ZNF407: variants seen among roughly 807,000 people sequenced by gnomAD.
The protein encoded by ZNF407 is zinc finger protein 407.
A neutral mutation model predicts 131.2 loss-of-function variants in ZNF407; 17 were observed. The ratio of observed to expected loss-of-function variants is 0.13; its 90% CI spans 0.09 to 0.19. The LOEUF (loss-of-function observed/expected upper bound fraction) is 0.19, where lower values mean the gene tolerates loss of function less well. Ranked by LOEUF, ZNF407 falls within the 10% of genes least tolerant of loss-of-function variation. ZNF407 has a pLI of 1.00. For synonymous variants in ZNF407, 1,156 were observed against 1,062.0 expected (o/e 1.09, Z -1.72); for missense variants, 2,681 against 2,830.6 (o/e 0.95, Z 1.20).
chr18:74,612,044 C>T (rs72963736), intron 1 of ZNF407, among the ~76,000 whole-genome samples: 16,982 of 152,070 alleles, frequency 0.11, 1,060 homozygotes, highest in Non-Finnish European at 0.14. Context: ...AGTGAAGTCC[C>T]GTACAGTAGT....
chr18:74,777,249 A>G (rs1321163976), intron 3 of ZNF407, among the ~76,000 whole-genome samples: 1 of 152,154 alleles, frequency 6.6e-6, no homozygotes, highest in African/African-American at 2.4e-5. Flanking sequence ...GAGTGTAGGC[A>G]TTACTACTGC....
chr18:74,665,650 A>T (rs904812032), intron 3 of ZNF407, among the ~76,000 whole-genome samples: 1 of 152,126 alleles, frequency 6.6e-6, no homozygotes, highest in Admixed American at 6.5e-5. Context: ...TCAATTTTGA[A>T]TTTTTTGTTG....
chr18:74,691,601 G>C (rs569269665), intron 3 of ZNF407, among the ~76,000 whole-genome samples: 1 of 151,650 alleles, frequency 6.6e-6, no homozygotes, highest in East Asian at 1.9e-4. Context: ...ATATTAATTT[G>C]CTATTCTTTT....
intron 2 of ZNF407, among the ~76,000 whole-genome samples, chr18:74,638,243 G>A (rs1984550336): frequency 6.6e-6 from 1 of 152,222 alleles, no homozygotes; most frequent in South Asian, 2.1e-4. Context: ...CAGCTCAGTA[G>A]GAGAGTTAAT....
At chr18:74,696,010 CT>C (rs1286339075) in intron 3 of ZNF407, among the ~76,000 whole-genome samples, 1 of 152,178 alleles carries the variant, frequency 6.6e-6, no homozygotes, top group Non-Finnish European at 1.5e-5. Flanking sequence ...GGGAACTGTG[CT>C]GCTAGATCAT....
At chr18:74,686,726 T>C (rs541159207) in intron 3 of ZNF407, among the ~76,000 whole-genome samples, 1 of 152,350 alleles carries the variant, frequency 6.6e-6, no homozygotes, top group Admixed American at 6.5e-5. Context: ...TATTTTGTTA[T>C]AGATGCTTAG....
At chr18:74,719,095 A>G (rs1967964676) in intron 3 of ZNF407, among the ~76,000 whole-genome samples, 1 of 152,160 alleles carries the variant, frequency 6.6e-6, no homozygotes, top group Non-Finnish European at 1.5e-5. Context: ...GGGGACATTA[A>G]TGATGCTTGG....
At chr18:74,849,381 T>C (rs556666641) in intron 4 of ZNF407, among the ~76,000 whole-genome samples, 2 of 152,324 alleles carry the variant, frequency 1.3e-5, no homozygotes, top group South Asian at 2.1e-4. Context: ...CCCCGCCGTT[T>C]CTTTGCTTTT....
chr18:74,734,644 T>A (rs904571155), intron 3 of ZNF407, among the ~76,000 whole-genome samples: 11 of 151,944 alleles, frequency 7.2e-5, no homozygotes, highest in South Asian at 4.2e-4. Flanking sequence ...GCCTATTTTT[T>A]AAAATTATAC....
At chr18:74,704,144 T>C (rs1967567172) in intron 3 of ZNF407, among the ~76,000 whole-genome samples, 1 of 152,212 alleles carries the variant, frequency 6.6e-6, no homozygotes, top group Non-Finnish European at 1.5e-5. Flanking sequence ...TTTCTTCTTC[T>C]GTCAGCACTT....
At chr18:74,774,522 A>G (rs1013792364) in intron 3 of ZNF407, among the ~76,000 whole-genome samples, 12 of 152,212 alleles carry the variant, frequency 7.9e-5, no homozygotes, top group Non-Finnish European at 1.5e-4. Flanking sequence ...TTTTATCCTG[A>G]TACTATGTAA....
chr18:74,995,486 T>A (rs946363734), intron 8 of ZNF407, among the ~76,000 whole-genome samples: 1 of 152,238 alleles, frequency 6.6e-6, no homozygotes, highest in African/African-American at 2.4e-5. Context: ...ACCTTAACAC[T>A]GATCCTCACA....
intron 3 of ZNF407, among the ~76,000 whole-genome samples, chr18:74,735,726 A>G (rs1968396853): frequency 6.6e-6 from 1 of 152,192 alleles, no homozygotes; most frequent in African/African-American, 2.4e-5. Context: ...GTCCATGATC[A>G]ACTTTAGAGG....
chr18:74,912,405 C>T (rs1207913555), intron 7 of ZNF407, among the ~76,000 whole-genome samples: 2 of 152,076 alleles, frequency 1.3e-5, no homozygotes, highest in Admixed American at 6.5e-5. Context: ...GTCTACCAGG[C>T]AGAAACGTCC....
Position 75,063,011 on chromosome 18 carries a change from C to G in ZNF407, c.5429-139C>G, listed in dbSNP as rs1973656117. 1.3e-6 allele frequency: 1 copy of G among 773,600 alleles called. No homozygotes were observed. Among genetic ancestry groups the G allele is most frequent in the African/African-American group, 1.7e-5 (1 of 57,184 alleles). The allele number at this position is 773,600 out of a possible 1,614,324, so 47.9% of individuals were successfully genotyped here. A position where few individuals can be genotyped will look rare whatever the true frequency, so the allele number is the denominator to read the frequency against. ...GCCTCTGGCCCTGCTGAAGCTTGCA[C>G]TGTAGAGAGCTCTTCAGGGTTTGGA... On this transcript the variant is annotated intron_variant, in intron 8 of 8. Transcript: ENST00000299687. This position sits in a 1 kb window ranked among gnomAD's most constrained non-coding sequence, Gnocchi z 6.6.
intron 8 of ZNF407, among the ~76,000 whole-genome samples, chr18:75,029,740 G>C (rs1973217610): frequency 6.6e-6 from 1 of 152,216 alleles, no homozygotes; most frequent in Non-Finnish European, 1.5e-5. Flanking sequence ...GGTTTCTGTG[G>C]TTTGCTGCAT....
At chr18:74,676,540 C>T in intron 3 of ZNF407, among the ~76,000 whole-genome samples, 1 of 151,636 alleles carries the variant, frequency 6.6e-6, no homozygotes, top group Non-Finnish European at 1.5e-5. Flanking sequence ...GGGTTCACGC[C>T]ATTCTCCTGC....
intron 3 of ZNF407, among the ~76,000 whole-genome samples, chr18:74,774,349 G>A (rs1049220173): frequency 1.4e-4 from 22 of 152,190 alleles, no homozygotes; most frequent in Non-Finnish European, 2.9e-4. Flanking sequence ...ATGCCATTGG[G>A]AGAAGGTTGT....
intron 3 of ZNF407, among the ~76,000 whole-genome samples, chr18:74,669,012 C>T (rs1444425506): frequency 6.6e-6 from 1 of 151,964 alleles, no homozygotes; most frequent in Non-Finnish European, 1.5e-5. Flanking sequence ...AGCACACGTT[C>T]CCTCTACCCA....
Sources: allele counts gnomAD v4.1 joint callset (sites outside exome capture counted in the v4.1 genomes callset), GRCh38; gene constraint gnomAD v4.1.1; non-coding constraint Gnocchi (gnomAD v3.1); transcripts MANE v1.5; gene names NCBI Gene and HGNC (gene_info 2026-07-23, HGNC 2026-07-21).